KLF8: variants seen among roughly 807,000 people sequenced by gnomAD.
The protein encoded by KLF8 is KLF transcription factor 8, also known as Krueppel-like factor 8.
KLF8 carries 10 observed loss-of-function variants against 18.2 expected under a neutral mutation model. The observed-to-expected ratio is 0.55, with a 90% CI of 0.34 to 0.93. The LOEUF (loss-of-function observed/expected upper bound fraction) is 0.93. Ranked by LOEUF, KLF8 falls within the 40% of genes least tolerant of loss-of-function variation. KLF8 has a pLI of 0.02. For missense variants in KLF8, 264 were observed against 277.9 expected, an observed-to-expected ratio of 0.95 and a Z score of 0.36; for synonymous variants, 109 against 97.3, an observed-to-expected ratio of 1.12 and a Z score of -0.71.
the KLF8 span, among the ~76,000 whole-genome samples, chrX:56,124,292 T>C: frequency 8.9e-6 from 1 of 111,887 alleles, no homozygotes; most frequent in South Asian, 3.7e-4. Flanking sequence ...GTTTTGTTCA[T>C]TGAGGTATCC....
the KLF8 span, among the ~76,000 whole-genome samples, chrX:55,931,461 T>TG: frequency 8.9e-6 from 1 of 111,939 alleles, no homozygotes. Flanking sequence ...AATTGTAATG[T>TG]TAGGGTGTTG....
At chrX:56,025,568 C>A in the KLF8 span, among the ~76,000 whole-genome samples, 1 of 112,157 alleles carries the variant, frequency 8.9e-6, no homozygotes, top group African/African-American at 3.2e-5. Flanking sequence ...TTTTCCCAAT[C>A]TAGAGAACCG....
the KLF8 span, among the ~76,000 whole-genome samples, chrX:56,105,237 G>C: frequency 9.0e-6 from 1 of 111,567 alleles, no homozygotes; most frequent in African/African-American, 3.3e-5. Context: ...GGTCCACTTG[G>C]TGCAGAGCTG....
At chrX:55,938,603 C>G in the KLF8 span, among the ~76,000 whole-genome samples, 60 of 110,982 alleles carry the variant, frequency 5.4e-4, no homozygotes, top group Non-Finnish European at 2.3e-4. Flanking sequence ...AGTCAAGACC[C>G]ATCAGTGTGC....
At chrX:55,942,015 G>A in the KLF8 span, among the ~76,000 whole-genome samples, 1 of 111,354 alleles carries the variant, frequency 9.0e-6, no homozygotes, top group South Asian at 3.8e-4. Context: ...TCCCATTACT[G>A]AGTATATACC....
At chrX:56,162,119 G>A in the KLF8 span, among the ~76,000 whole-genome samples, 1 of 111,713 alleles carries the variant, frequency 9.0e-6, no homozygotes, top group East Asian at 2.8e-4. Context: ...CTGCCTGAAC[G>A]TTCCTCTGGA....
intron 2 of KLF8, among the ~76,000 whole-genome samples, chrX:56,262,129 G>T (rs2066890002): frequency 1.8e-5 from 2 of 111,936 alleles, no homozygotes; most frequent in Admixed American, 1.9e-4. Flanking sequence ...CCTTTTGATG[G>T]CAGGAGAGAA....
chrX:55,989,733 G>A, the KLF8 span, among the ~76,000 whole-genome samples: 2 of 111,981 alleles, frequency 1.8e-5, no homozygotes, highest in Non-Finnish European at 3.8e-5. Flanking sequence ...GAGTTAGGGA[G>A]GATTCCCTCT....
At chrX:56,051,471 CA>C in the KLF8 span, among the ~76,000 whole-genome samples, 10 of 109,992 alleles carry the variant, frequency 9.1e-5, no homozygotes, top group Non-Finnish European at 1.3e-4. Flanking sequence ...CTGGTGGTGA[CA>C]AAATCTCTCA....
chrX:56,152,479 C>T, the KLF8 span, among the ~76,000 whole-genome samples: 10 of 111,282 alleles, frequency 9.0e-5, no homozygotes, highest in African/African-American at 2.9e-4. Context: ...TGGGCAGTAT[C>T]GGTCCCAGAG....
chrX:56,187,394 C>G, the KLF8 span, among the ~76,000 whole-genome samples: 1 of 111,470 alleles, frequency 9.0e-6, no homozygotes, highest in African/African-American at 3.3e-5. Context: ...CCTTACCAAC[C>G]AAAAAGAGTC....
the KLF8 span, among the ~76,000 whole-genome samples, chrX:56,114,077 G>T: frequency 4.5e-5 from 5 of 111,928 alleles, no homozygotes; most frequent in African/African-American, 1.6e-4. Flanking sequence ...TAAAATTCCC[G>T]CAAGGAGGCC....
At chrX:55,983,622 T>G in the KLF8 span, among the ~76,000 whole-genome samples, 2 of 112,296 alleles carry the variant, frequency 1.8e-5, no homozygotes, top group Admixed American at 1.9e-4. Flanking sequence ...CACATAGTCT[T>G]GCCTAAATTT....
the KLF8 span, among the ~76,000 whole-genome samples, chrX:55,987,428 C>A: frequency 9.0e-6 from 1 of 110,512 alleles, no homozygotes; most frequent in African/African-American, 3.3e-5. Context: ...TCAACTCCCA[C>A]CCATGAGGGA....
the KLF8 span, among the ~76,000 whole-genome samples, chrX:56,080,481 T>C: frequency 0.078 from 8,676 of 111,043 alleles, 894 homozygotes; most frequent in African/African-American, 0.27. Context: ...TTGGCCCCCA[T>C]TCTCTTCTGG....
the KLF8 span, among the ~76,000 whole-genome samples, chrX:56,135,466 C>A: frequency 9.1e-6 from 1 of 110,347 alleles, no homozygotes; most frequent in African/African-American, 3.3e-5. Flanking sequence ...AAACCAAACA[C>A]CGCATATTCT....
the KLF8 span, among the ~76,000 whole-genome samples, chrX:56,176,939 G>A: frequency 2.7e-5 from 3 of 111,709 alleles, no homozygotes; most frequent in Non-Finnish European, 3.8e-5. Flanking sequence ...CTCGTGCCTT[G>A]GTTTTCAGCT....
At chrX:55,990,724 G>T in the KLF8 span, among the ~76,000 whole-genome samples, 6 of 112,265 alleles carry the variant, frequency 5.3e-5, no homozygotes, top group Admixed American at 5.7e-4. Flanking sequence ...TAACAGTCAG[G>T]ACCATCAGCT....
the KLF8 span, among the ~76,000 whole-genome samples, chrX:56,080,910 C>T: frequency 9.0e-6 from 1 of 110,979 alleles, no homozygotes; most frequent in Admixed American, 9.7e-5. Flanking sequence ...CATCTTCCAT[C>T]ACTGATACCC....
Sources: gnomAD v4.1 joint callset for allele counts (sites outside exome capture counted in the v4.1 genomes callset) on GRCh38, gnomAD v4.1.1 for gene constraint, MANE v1.5 for transcripts, NCBI Gene and HGNC (gene_info 2026-07-23, HGNC 2026-07-21) for gene names.